The following GUCY1A2 variants were observed in gnomAD, a reference collection of about 807,000 sequenced individuals.
The protein encoded by GUCY1A2 is guanylate cyclase soluble subunit alpha-2.
Under a neutral mutation model 63.5 loss-of-function variants are expected in GUCY1A2, and 27 were observed. That is an observed-to-expected ratio of 0.43 (90% CI 0.31 to 0.59). The LOEUF (loss-of-function observed/expected upper bound fraction) is 0.59, where lower values mean the gene tolerates loss of function less well. Ranked by LOEUF, GUCY1A2 falls within the 20% of genes least tolerant of loss-of-function variation. The pLI is 0.11. For missense variants in GUCY1A2, 768 were observed against 913.3 expected, an observed-to-expected ratio of 0.84 and a Z score of 2.05; for synonymous variants, 364 against 343.5, an observed-to-expected ratio of 1.06 and a Z score of -0.66.
intron 3 of GUCY1A2, among the ~76,000 whole-genome samples, chr11:106,962,184 A>C (rs1229993210): frequency 6.6e-6 from 1 of 152,188 alleles, no homozygotes; most frequent in African/African-American, 2.4e-5. Context: ...TAACAGGACT[A>C]GATTCATTCT....
intron 6 of GUCY1A2, among the ~76,000 whole-genome samples, chr11:106,739,205 G>A (rs1863645632): frequency 1.3e-5 from 2 of 152,112 alleles, no homozygotes; most frequent in East Asian, 1.9e-4. Context: ...TCTATTATTG[G>A]TGTATAGGAA....
intron 1 of GUCY1A2, among the ~76,000 whole-genome samples, chr11:107,014,394 C>T (rs1861791775): frequency 1.3e-5 from 2 of 152,016 alleles, no homozygotes; most frequent in South Asian, 4.2e-4. Flanking sequence ...GCCCATGTTT[C>T]CCTTTCATAT....
At chr11:106,713,272 A>C (rs1256154694) in intron 6 of GUCY1A2, among the ~76,000 whole-genome samples, 3 of 152,224 alleles carry the variant, frequency 2.0e-5, no homozygotes, top group Admixed American at 2.0e-4. Context: ...TAAAGATGAG[A>C]CTGCAAATCT....
chr11:106,774,814 T>C (rs1864326307), intron 6 of GUCY1A2, among the ~76,000 whole-genome samples: 1 of 152,202 alleles, frequency 6.6e-6, no homozygotes, highest in Admixed American at 6.5e-5. Flanking sequence ...TTCATCTATG[T>C]CTAATCTGCT....
intron 1 of GUCY1A2, 72 bp downstream of exon 1, chr11:107,017,681 T>G (rs569641272): frequency 1.1e-6 from 1 of 936,770 alleles, no homozygotes. Flanking sequence ...GCGCCCCGGC[T>G]CGCCCAGCGC....
intron 5 of GUCY1A2, among the ~76,000 whole-genome samples, chr11:106,785,283 C>A (rs776455303): frequency 2.0e-5 from 3 of 152,112 alleles, no homozygotes; most frequent in Non-Finnish European, 4.4e-5. Flanking sequence ...GAGTATACGA[C>A]TTTTTCAGGG....
At chr11:106,963,790 T>C (rs1442344419) in intron 3 of GUCY1A2, among the ~76,000 whole-genome samples, 1 of 152,224 alleles carries the variant, frequency 6.6e-6, no homozygotes, top group African/African-American at 2.4e-5. Flanking sequence ...TAGTTAGTTT[T>C]GTGGTGATGT....
At chr11:106,823,314 T>TATA (rs1858927159) in intron 4 of GUCY1A2, among the ~76,000 whole-genome samples, 2 of 152,166 alleles carry the variant, frequency 1.3e-5, no homozygotes, top group Non-Finnish European at 2.9e-5. Context: ...ACCCACTGTT[T>TATA]AGTGCAGACT....
chr11:106,946,257 G>T (rs1349159731), intron 3 of GUCY1A2, among the ~76,000 whole-genome samples: 1 of 151,882 alleles, frequency 6.6e-6, no homozygotes, highest in Non-Finnish European at 1.5e-5. Context: ...AAGAGAAAAA[G>T]GAAGATAATC....
chr11:106,757,835 A>G (rs1478257072), intron 6 of GUCY1A2, among the ~76,000 whole-genome samples: 2 of 152,142 alleles, frequency 1.3e-5, no homozygotes, highest in African/African-American at 4.8e-5. Context: ...GGGGTCATGG[A>G]CCCACTTGAG....
chr11:106,945,177 TAAA>T (rs1460059049), intron 3 of GUCY1A2, among the ~76,000 whole-genome samples: 6 of 146,526 alleles, frequency 4.1e-5, no homozygotes, highest in African/African-American at 1.5e-4. Flanking sequence ...GAGAGAGAGA[TAAA>T]GAAGATCTTT....
At chr11:106,721,548 T>C (rs900706655) in intron 6 of GUCY1A2, among the ~76,000 whole-genome samples, 6 of 152,220 alleles carry the variant, frequency 3.9e-5, no homozygotes, top group Non-Finnish European at 5.9e-5. Context: ...ATCTTCTGTG[T>C]ATTAATGTTG....
chr11:106,962,568 A>AC (rs1363349938), intron 3 of GUCY1A2, among the ~76,000 whole-genome samples: 1 of 151,306 alleles, frequency 6.6e-6, no homozygotes, highest in Admixed American at 6.6e-5. Flanking sequence ...AAAAAAAAAA[A>AC]ACTAGAAATG....
At chr11:106,956,317 G>A (rs1474259688) in intron 3 of GUCY1A2, among the ~76,000 whole-genome samples, 2 of 151,882 alleles carry the variant, frequency 1.3e-5, no homozygotes, top group African/African-American at 4.8e-5. Context: ...CCAGTTCTGT[G>A]CCCTTGACAT....
At chr11:106,721,088 A>C (rs1461695668) in intron 6 of GUCY1A2, among the ~76,000 whole-genome samples, 2 of 148,806 alleles carry the variant, frequency 1.3e-5, no homozygotes, top group Admixed American at 6.7e-5. Flanking sequence ...TTTGAGACAG[A>C]GTCTCTGTCA....
intron 4 of GUCY1A2, among the ~76,000 whole-genome samples, chr11:106,928,489 A>AG (rs991707907): frequency 2.0e-5 from 3 of 149,784 alleles, no homozygotes; most frequent in African/African-American, 7.4e-5. Context: ...TCTCCAAGGA[A>AG]AAAAAAAAAA....
At chr11:106,842,687 A>G (rs961688497) in intron 4 of GUCY1A2, among the ~76,000 whole-genome samples, 2 of 152,060 alleles carry the variant, frequency 1.3e-5, no homozygotes, top group Middle Eastern at 3.4e-3. Flanking sequence ...CTCAAACTTT[A>G]GTGTGAACCA....
intron 1 of GUCY1A2, among the ~76,000 whole-genome samples, chr11:107,013,931 C>T (rs910608182): frequency 2.0e-5 from 3 of 151,864 alleles, no homozygotes; most frequent in Non-Finnish European, 2.9e-5. Context: ...ATTTGTCTTT[C>T]CAAATGCTCT....
chr11:106,861,854 G>T (rs1289810395), intron 4 of GUCY1A2, among the ~76,000 whole-genome samples: 1 of 151,598 alleles, frequency 6.6e-6, no homozygotes, highest in African/African-American at 2.4e-5. Flanking sequence ...TCTAACATTA[G>T]CTTTTATTCA....
Sources: allele counts gnomAD v4.1 joint callset (sites outside exome capture counted in the v4.1 genomes callset), GRCh38; gene constraint gnomAD v4.1.1; transcripts MANE v1.5; gene names NCBI Gene and HGNC (gene_info 2026-07-23, HGNC 2026-07-21).